The following RNLS variants were observed in gnomAD, a reference collection of about 807,000 sequenced individuals.
RNLS encodes renalase, FAD dependent amine oxidase.
In RNLS, 39 loss-of-function variants were observed where a neutral mutation model predicts 39.8. The ratio of observed to expected loss-of-function variants is 0.98; its 90% CI spans 0.76 to 1.28. The LOEUF is 1.28. Among genes scored for constraint, RNLS ranks in the 50% most tolerant of loss-of-function variants. RNLS has a pLI of 0.00. For missense variants in RNLS, 410 were observed against 413.3 expected, an observed-to-expected ratio of 0.99 and a Z score of 0.07; for synonymous variants, 147 against 150.7, an observed-to-expected ratio of 0.98 and a Z score of 0.18.
chr10:88,273,784 T>A (rs1443153982), downstream of RNLS: 1 of 152,230 alleles, frequency 6.6e-6, no homozygotes, highest in Non-Finnish European at 1.5e-5. Flanking sequence ...GTGAAAGTTT[T>A]CACTTGTACC....
At chr10:88,335,972 G>T (rs1426621) in intron 5 of RNLS, among the ~76,000 whole-genome samples, 115,536 of 152,130 alleles carry the variant, frequency 0.76, 44,698 homozygotes, top group East Asian at 0.98. Context: ...CTTGGATGAA[G>T]AGATGAATGA....
At chr10:88,337,822 G>C (rs1443135324) in intron 5 of RNLS, among the ~76,000 whole-genome samples, 1 of 152,172 alleles carries the variant, frequency 6.6e-6, no homozygotes, top group Non-Finnish European at 1.5e-5. Context: ...AACTATTCTA[G>C]TGTGTGAAGC....
chr10:88,200,053 T>C, the RNLS span, among the ~76,000 whole-genome samples: 1 of 152,140 alleles, frequency 6.6e-6, no homozygotes, highest in Non-Finnish European at 1.5e-5. Context: ...TACTTGAGCC[T>C]GGGAGGTCAA....
intron 4 of RNLS, among the ~76,000 whole-genome samples, chr10:88,474,398 G>A (rs958395976): frequency 1.3e-5 from 2 of 152,158 alleles, no homozygotes; most frequent in African/African-American, 4.8e-5. Context: ...TTGCATGGCA[G>A]TTCCCACACC....
chr10:88,181,363 T>C, the RNLS span, among the ~76,000 whole-genome samples: 63 of 152,158 alleles, frequency 4.1e-4, no homozygotes, highest in Non-Finnish European at 6.9e-4. Context: ...GCAGCTCCCC[T>C]GACACCTTGA....
chr10:88,443,028 G>A (rs1025558662), intron 4 of RNLS, among the ~76,000 whole-genome samples: 1 of 152,102 alleles, frequency 6.6e-6, no homozygotes, highest in Non-Finnish European at 1.5e-5. Context: ...AGAAACTTCA[G>A]TCTCATTTTC....
rs1843121180 is a variant in RNLS, at chr10:88,284,113, G to A, written c.*1241C>T. ...ACATTAACCACATGTTGGCATTTAA[G>A]TTTTTCACCAATTTATTGCTAAGAG... On this transcript the variant is annotated 3_prime_UTR_variant, in exon 7 of 7. Coordinates refer to ENST00000331772, the MANE Select transcript of RNLS (RefSeq NM_001031709.3). The A allele has an allele frequency of 2.0e-6, 2 of 983,476 alleles. No homozygotes were observed. Among genetic ancestry groups the A allele is most frequent in the Non-Finnish European group, 2.4e-6 (2 of 828,264 alleles). 60.9% of individuals were successfully genotyped at this position (983,476 alleles called of 1,614,324 possible).
chr10:88,262,055 C>T, the RNLS span, among the ~76,000 whole-genome samples: 1 of 152,030 alleles, frequency 6.6e-6, no homozygotes, highest in Non-Finnish European at 1.5e-5. Flanking sequence ...TACACAGAGG[C>T]GGAGGCAGGA....
At chr10:88,253,881 T>C in the RNLS span, among the ~76,000 whole-genome samples, 2 of 152,094 alleles carry the variant, frequency 1.3e-5, no homozygotes, top group Non-Finnish European at 2.9e-5. Flanking sequence ...AGGTGTTAGG[T>C]GGCAAAGGCT....
intron 4 of RNLS, among the ~76,000 whole-genome samples, chr10:88,399,347 C>G (rs1372377358): frequency 6.6e-6 from 1 of 151,914 alleles, no homozygotes; most frequent in Non-Finnish European, 1.5e-5. Context: ...ATTTTTATAG[C>G]AATAATATTT....
At chr10:88,224,772 C>T in the RNLS span, among the ~76,000 whole-genome samples, 1 of 152,162 alleles carries the variant, frequency 6.6e-6, no homozygotes, top group Non-Finnish European at 1.5e-5. Context: ...CTGTTTATGT[C>T]AAGGTCATAT....
intron 4 of RNLS, among the ~76,000 whole-genome samples, chr10:88,400,189 G>T (rs1852823599): frequency 6.6e-6 from 1 of 151,952 alleles, no homozygotes; most frequent in Admixed American, 6.6e-5. Context: ...ACATTTACAA[G>T]TTCCAGAGAA....
chr10:88,311,366 T>C (rs1845369218), intron 6 of RNLS, among the ~76,000 whole-genome samples: 1 of 152,208 alleles, frequency 6.6e-6, no homozygotes, highest in Non-Finnish European at 1.5e-5. Context: ...ACAGAAACCT[T>C]AATTCAATGC....
At chr10:88,549,919 A>T (rs2045489237) in intron 4 of RNLS, among the ~76,000 whole-genome samples, 1 of 152,208 alleles carries the variant, frequency 6.6e-6, no homozygotes, top group African/African-American at 2.4e-5. Context: ...GTATTGCTCC[A>T]CTTAATACTA....
At chr10:88,303,132 G>T (rs766789258) in intron 6 of RNLS, among the ~76,000 whole-genome samples, 1 of 152,206 alleles carries the variant, frequency 6.6e-6, no homozygotes, top group Non-Finnish European at 1.5e-5. Context: ...CTCACCATAG[G>T]CCTGTGGAAC....
At chr10:88,489,558 G>A (rs1202464819) in intron 4 of RNLS, among the ~76,000 whole-genome samples, 3 of 152,220 alleles carry the variant, frequency 2.0e-5, no homozygotes, top group Non-Finnish European at 4.4e-5. Flanking sequence ...CAAAATGGAT[G>A]TGGAGGCTAT....
intron 4 of RNLS, among the ~76,000 whole-genome samples, chr10:88,375,622 G>A (rs1211616093): frequency 2.0e-5 from 3 of 152,152 alleles, no homozygotes; most frequent in African/African-American, 2.4e-5. Flanking sequence ...AGAGCTGCCT[G>A]CAATGAGAAC....
At chr10:88,573,268 T>C (rs763660164) in intron 3 of RNLS, among the ~76,000 whole-genome samples, 1 of 152,198 alleles carries the variant, frequency 6.6e-6, no homozygotes, top group Non-Finnish European at 1.5e-5. Flanking sequence ...TATCAGTGCC[T>C]GCTCTGAATC....
chr10:88,524,751 A>G (rs1016149698), intron 4 of RNLS, among the ~76,000 whole-genome samples: 12 of 151,500 alleles, frequency 7.9e-5, no homozygotes, highest in African/African-American at 2.7e-4. Flanking sequence ...CCACTTTCTC[A>G]TTTGTCCATA....
Sources: gnomAD v4.1 joint callset for allele counts (sites outside exome capture counted in the v4.1 genomes callset) on GRCh38, gnomAD v4.1.1 for gene constraint, MANE v1.5 for transcripts, NCBI Gene and HGNC (gene_info 2026-07-23, HGNC 2026-07-21) for gene names.